The following ERICH1 variants were observed in gnomAD, a reference collection of about 807,000 sequenced individuals.
ERICH1 encodes glutamate-rich protein 1.
A neutral mutation model predicts 39.6 loss-of-function variants in ERICH1; 56 were observed. The observed-to-expected ratio is 1.41, with a 90% CI of 1.14 to 1.77. ERICH1 has a LOEUF of 1.77. Among genes scored for constraint, ERICH1 ranks in the 40% most tolerant of loss-of-function variants. The probability of loss-of-function intolerance (pLI) is 0.00; values close to 1 mark genes in which losing one functional copy is unlikely to be tolerated. For synonymous variants in ERICH1, 313 were observed against 223.6 expected, an observed-to-expected ratio of 1.40 and a Z score of -3.57; for missense variants, 826 against 575.4, an observed-to-expected ratio of 1.44 and a Z score of -4.45.
chr8:697,975 G>T (rs1318433480), intron 2 of ERICH1, among the ~76,000 whole-genome samples: 9 of 152,118 alleles, frequency 5.9e-5, no homozygotes, highest in Admixed American at 4.6e-4. Flanking sequence ...CCTGCGTCTG[G>T]GGCTGGGCCC....
intron 3 of ERICH1, among the ~76,000 whole-genome samples, chr8:684,527 G>A (rs562789677): frequency 1.8e-3 from 279 of 152,176 alleles, no homozygotes; most frequent in South Asian, 5.8e-3. Context: ...TAACTAAAAC[G>A]CTCATTTACT....
chr8:623,006 C>A (rs1468814696), intron 3 of ERICH1, among the ~76,000 whole-genome samples: 2 of 138,670 alleles, frequency 1.4e-5, no homozygotes, highest in Non-Finnish European at 3.1e-5. Context: ...CTAATCAATA[C>A]CAATACTGTC....
At chr8:619,433 T>G (rs1440938364) in intron 3 of ERICH1, among the ~76,000 whole-genome samples, 1 of 152,208 alleles carries the variant, frequency 6.6e-6, no homozygotes, top group African/African-American at 2.4e-5. Flanking sequence ...ATAATTACAT[T>G]ATTTGTATTA....
At chr8:649,757 A>T (rs1563186072) in intron 3 of ERICH1, among the ~76,000 whole-genome samples, 1 of 152,170 alleles carries the variant, frequency 6.6e-6, no homozygotes, top group Non-Finnish European at 1.5e-5. Flanking sequence ...CCATGAGCGC[A>T]GGCACCATCC....
At chr8:727,253 A>G (rs1463561336) in intron 1 of ERICH1, among the ~76,000 whole-genome samples, 5 of 152,200 alleles carry the variant, frequency 3.3e-5, no homozygotes, top group Non-Finnish European at 7.3e-5. Flanking sequence ...CACATTGACA[A>G]TATGCACACA....
chr8:688,365 C>T (rs1180394973), intron 3 of ERICH1, among the ~76,000 whole-genome samples: 2 of 151,374 alleles, frequency 1.3e-5, no homozygotes, highest in South Asian at 2.1e-4. Flanking sequence ...CACCTCGGCC[C>T]CGCCCCCCGG....
At chr8:654,718 G>A (rs1183866640) in intron 3 of ERICH1, among the ~76,000 whole-genome samples, 3 of 152,172 alleles carry the variant, frequency 2.0e-5, no homozygotes, top group Non-Finnish European at 4.4e-5. Context: ...CCCCCAGGCT[G>A]CCATGGAGAT....
intron 3 of ERICH1, among the ~76,000 whole-genome samples, chr8:623,007 C>T (rs1159797696): frequency 6.8e-6 from 1 of 146,692 alleles, no homozygotes; most frequent in Non-Finnish European, 1.5e-5. Flanking sequence ...TAATCAATAC[C>T]AATACTGTCA....
At chr8:685,621 A>G (rs201961995) in intron 3 of ERICH1, among the ~76,000 whole-genome samples, 2 of 152,210 alleles carry the variant, frequency 1.3e-5, no homozygotes, top group East Asian at 3.8e-4. Flanking sequence ...ATTAATTTGG[A>G]GAACTAACAA....
At chr8:619,045 G>C (rs554984256) in intron 3 of ERICH1, among the ~76,000 whole-genome samples, 2 of 152,266 alleles carry the variant, frequency 1.3e-5, no homozygotes, top group Non-Finnish European at 2.9e-5. Flanking sequence ...AACAGTGAGA[G>C]TCTGTGGCAT....
At chr8:707,542 A>T (rs963357313) in intron 2 of ERICH1, among the ~76,000 whole-genome samples, 1 of 152,146 alleles carries the variant, frequency 6.6e-6, no homozygotes, top group South Asian at 2.1e-4. Flanking sequence ...AGTCCACTTG[A>T]TGGGGAAATG....
chr8:686,478 C>A lies in ERICH1; in HGVS notation c.304+6000G>T, dbSNP rs577948783. On this transcript the variant is annotated intron_variant, in intron 3 of 5. Coordinates refer to ENST00000262109, the MANE Select transcript of ERICH1 (RefSeq NM_207332.3). ...AAAAAAAAAAAAACAAAAACAAAAA[C>A]CATGTAGATCCCACAGGTGAGTTAT... is the stretch of plus-strand genomic sequence containing the variant. Among the ~76,000 whole-genome samples the A allele has an allele frequency of 4.6e-5, 7 of 151,990 alleles. No individual in the cohort carries two copies. In the South Asian group the frequency reaches 6.2e-4, roughly 13 times the overall value.
At chr8:617,260 G>A (rs1248770997) in intron 3 of ERICH1, among the ~76,000 whole-genome samples, 2 of 152,156 alleles carry the variant, frequency 1.3e-5, no homozygotes, top group African/African-American at 2.4e-5. Context: ...TGCTGGGAGC[G>A]TGTTCTAAGT....
chr8:677,846 A>G (rs1157121325), intron 3 of ERICH1, among the ~76,000 whole-genome samples: 5 of 152,184 alleles, frequency 3.3e-5, no homozygotes, highest in Non-Finnish European at 2.9e-5. Flanking sequence ...ACCCAGCAAG[A>G]ACACTGCGGA....
chr8:677,819 C>T (rs759679808), intron 3 of ERICH1, among the ~76,000 whole-genome samples: 5 of 152,160 alleles, frequency 3.3e-5, no homozygotes, highest in South Asian at 2.1e-4. Context: ...CGACAGGTCA[C>T]GGGGGCGACC....
At chr8:670,010 T>C (rs1285037099) in intron 4 of ERICH1, among the ~76,000 whole-genome samples, 1 of 152,122 alleles carries the variant, frequency 6.6e-6, no homozygotes, top group East Asian at 1.9e-4. Context: ...CTGGGCCTGT[T>C]TCAGGGACAC....
rs1330435443 is a variant in ERICH1 at position 716,004 on chromosome 8, AACACTGT to A, written c.23-4_25del. ...AAGTCTCTGCAGCACCTTCTCCACA[AACACTGT>A]ACAGACAACCGATTAAAAGAAAAGG... On this transcript the variant is annotated splice_acceptor_variant and splice_polypyrimidine_tract_variant and coding_sequence_variant and intron_variant, in exon 2 of 6. Coordinates refer to ENST00000262109, the MANE Select transcript of ERICH1 (RefSeq NM_207332.3). LOFTEE classifies it high-confidence loss of function. 2 of 1,601,730 alleles carry A rather than the reference AACACTGT, an allele frequency of 1.2e-6. No individual in the cohort carries two copies. The highest frequency in any genetic ancestry group is 1.7e-6 in the Non-Finnish European group (2 of 1,176,568).
At chr8:691,356 C>G (rs1265505694) in intron 3 of ERICH1, among the ~76,000 whole-genome samples, 1 of 152,252 alleles carries the variant, frequency 6.6e-6, no homozygotes, top group African/African-American at 2.4e-5. Flanking sequence ...CCTGACACAG[C>G]CTGTCTGGGA....
chr8:728,662 C>G (rs1305836750), intron 1 of ERICH1, among the ~76,000 whole-genome samples: 3 of 152,204 alleles, frequency 2.0e-5, no homozygotes, highest in Non-Finnish European at 2.9e-5. Flanking sequence ...TCCTGGGACC[C>G]TCTTCAATTA....
Sources: gnomAD v4.1 joint callset for allele counts (sites outside exome capture counted in the v4.1 genomes callset) on GRCh38, gnomAD v4.1.1 for gene constraint, MANE v1.5 for transcripts, NCBI Gene and HGNC (gene_info 2026-07-23, HGNC 2026-07-21) for gene names.